The following SH3PXD2A variants were observed in gnomAD, a reference collection of about 807,000 sequenced individuals.
The protein encoded by SH3PXD2A is SH3 and PX domain-containing protein 2A.
SH3PXD2A carries 32 observed loss-of-function variants against 115.2 expected under a neutral mutation model. That is an observed-to-expected ratio of 0.28 (90% CI 0.21 to 0.37). SH3PXD2A has a LOEUF of 0.37. SH3PXD2A is among the 10% of genes least tolerant of loss of function. SH3PXD2A has a pLI of 1.00. For missense variants in SH3PXD2A, 1,328 were observed against 1,498.7 expected, an observed-to-expected ratio of 0.89 and a Z score of 1.88; for synonymous variants, 610 against 629.1, an observed-to-expected ratio of 0.97 and a Z score of 0.45.
At chr10:103,799,491 G>A (rs1158974568) in intron 2 of SH3PXD2A, among the ~76,000 whole-genome samples, 3 of 152,290 alleles carry the variant, frequency 2.0e-5, no homozygotes, top group African/African-American at 7.2e-5. Flanking sequence ...CCAGCACACT[G>A]CACTAGCTGC....
chr10:103,615,290 G>A (rs1219652465), intron 11 of SH3PXD2A, among the ~76,000 whole-genome samples: 1 of 152,212 alleles, frequency 6.6e-6, no homozygotes, highest in Admixed American at 6.5e-5. Flanking sequence ...CCTGCTTAGG[G>A]CCCCGAGTGC....
At chr10:103,691,542 T>C (rs2037751776) in intron 6 of SH3PXD2A, among the ~76,000 whole-genome samples, 1 of 151,996 alleles carries the variant, frequency 6.6e-6, no homozygotes, top group African/African-American at 2.4e-5. Context: ...GGAGTGACAG[T>C]GGAGGAATGC....
chr10:103,664,073 C>T (rs1351035819), intron 7 of SH3PXD2A, among the ~76,000 whole-genome samples: 1 of 152,226 alleles, frequency 6.6e-6, no homozygotes, highest in East Asian at 1.9e-4. Flanking sequence ...TGACGGACTA[C>T]CTCCCACTGT....
intron 5 of SH3PXD2A, among the ~76,000 whole-genome samples, chr10:103,698,239 C>T (rs1184102807): frequency 2.0e-5 from 3 of 152,216 alleles, no homozygotes; most frequent in East Asian, 1.9e-4. Context: ...CTGGCTGGGC[C>T]GGCTCTGTGG....
chr10:103,829,927 C>T (rs1202239836), intron 1 of SH3PXD2A, among the ~76,000 whole-genome samples: 1 of 152,188 alleles, frequency 6.6e-6, no homozygotes, highest in African/African-American at 2.4e-5. Context: ...GCTACAGGTC[C>T]CAATTTAAAC....
intron 2 of SH3PXD2A, among the ~76,000 whole-genome samples, chr10:103,771,490 G>C (rs2038818313): frequency 6.6e-6 from 1 of 152,192 alleles, no homozygotes; most frequent in African/African-American, 2.4e-5. Context: ...AGTAGCTCAC[G>C]CCTATAATCC....
At chr10:103,754,993 C>T (rs2038623526) in intron 3 of SH3PXD2A, 1 of 152,192 alleles carries the variant, frequency 6.6e-6, no homozygotes, top group Non-Finnish European at 1.5e-5. Context: ...GCACACAAAT[C>T]ACCTGTGCAT....
intron 5 of SH3PXD2A, chr10:103,693,533 C>T (rs1004131588): frequency 2.6e-5 from 4 of 152,034 alleles, no homozygotes; most frequent in Non-Finnish European, 4.4e-5. Context: ...GGAGGTGAAC[C>T]CAGCCTACTC....
At chr10:103,795,425 G>A (rs1419538834) in intron 2 of SH3PXD2A, among the ~76,000 whole-genome samples, 1 of 152,146 alleles carries the variant, frequency 6.6e-6, no homozygotes, top group Non-Finnish European at 1.5e-5. Flanking sequence ...TGGTGCTCAT[G>A]GATGGATTTC....
intron 3 of SH3PXD2A, among the ~76,000 whole-genome samples, chr10:103,739,189 C>G (rs1051321149): frequency 1.9e-4 from 29 of 152,168 alleles, no homozygotes; most frequent in Non-Finnish European, 1.3e-4. Context: ...CCTCCCCATG[C>G]TGGCCCCAAG....
intron 1 of SH3PXD2A, among the ~76,000 whole-genome samples, chr10:103,805,984 T>C (rs1475639436): frequency 6.6e-6 from 1 of 152,256 alleles, no homozygotes; most frequent in Admixed American, 6.5e-5. Flanking sequence ...AGAGCTGTCC[T>C]TGTGGCCCTT....
chr10:103,667,837 C>T (rs1276354076), intron 7 of SH3PXD2A, among the ~76,000 whole-genome samples: 1 of 152,234 alleles, frequency 6.6e-6, no homozygotes, highest in African/African-American at 2.4e-5. Flanking sequence ...ATCCCTCCTC[C>T]GACCATCTCC....
intron 2 of SH3PXD2A, among the ~76,000 whole-genome samples, chr10:103,768,623 G>GAA (rs2038784052): frequency 6.6e-6 from 1 of 152,158 alleles, no homozygotes; most frequent in African/African-American, 2.4e-5. Flanking sequence ...TTCACACTTA[G>GAA]AAAAGACGGC....
rs372085884 is a variant in SH3PXD2A, at chr10:103,761,457, TA to T, written c.229+5636del. Among the ~76,000 whole-genome samples the T allele has an allele frequency of 4.8e-3, 731 of 152,360 alleles. 8 individuals are homozygous for T. Among genetic ancestry groups the T allele is most frequent in the African/African-American group, 0.017 (697 of 41,584 alleles). On this transcript the variant is annotated intron_variant, in intron 3 of 14. Transcript: ENST00000369774. ...CCAAATAGCCAAACTTGTTAGATCA[TA>T]ATTAAAGGAAGATAGCACTCTGAAA...
rs776164982 is a variant in SH3PXD2A, at chr10:103,611,590, T to C, written c.1299A>G (p.Glu433=). The stretch of plus-strand genomic sequence containing the variant: ...AATTCAGTACACATACCAGGCTGGA[T>C]TCTCTGCGTGGTGGAGGTCTTGTCC... ...NLRTRPPPRR[E]SSLGFQLPKP... Residue 433 remains glutamate (E), a synonymous_variant, in exon 13 of 15, where the codon GAA becomes GAG. Transcript: ENST00000369774. The C allele has an allele frequency of 4.3e-6, 7 of 1,613,820 alleles. No homozygotes were observed. Among genetic ancestry groups the C allele is most frequent in the Non-Finnish European group, 5.9e-6 (7 of 1,179,702 alleles).
At position 103,602,755 on chromosome 10, in the gene SH3PXD2A, G is replaced by A. The variant is rs1411464757; in HGVS notation, c.2463C>T (p.Asp821=). Residue 821 remains aspartate, a synonymous_variant, in exon 15 of 15, where the codon GAC becomes GAT. Transcript: ENST00000369774. ...GAGTGGTGGCTGGGAGGGTGATGAG[G>A]TCGGATGAGCTTCTCCTAGACCCCT... ...PSEGSRRSSS[D]LITLPATTPP... is the part of the protein sequence containing the mutation. 1.9e-6 allele frequency: 3 copies of A among 1,613,954 alleles called. No individual in the cohort carries two copies. The highest frequency in any genetic ancestry group is 2.2e-5 in the East Asian group (1 of 44,892).
chr10:103,802,959 G>A (rs10786769), intron 1 of SH3PXD2A, among the ~76,000 whole-genome samples: 83,345 of 152,094 alleles, frequency 0.55, 24,195 homozygotes, highest in South Asian at 0.69. Flanking sequence ...GAGGAGGAAC[G>A]TTAGCAAAGA....
At chr10:103,765,829 A>T (rs2038748100) in intron 3 of SH3PXD2A, among the ~76,000 whole-genome samples, 1 of 152,238 alleles carries the variant, frequency 6.6e-6, no homozygotes, top group South Asian at 2.1e-4. Flanking sequence ...GTGCAAAGCC[A>T]AGCAAGGAAT....
In SH3PXD2A at chr10:103,838,003, G is replaced by A. The variant is rs114705887; in HGVS notation, c.72+17192C>T. Reference sequence around the variant, plus strand: ...CTACCGGATGCCTCATGGTGTCTCTGATTCTGCAGCCAACCAACAAGGGAG... The same window carrying A: ...CTACCGGATGCCTCATGGTGTCTCTAATTCTGCAGCCAACCAACAAGGGAG... On this transcript the variant is annotated intron_variant, in intron 1 of 14. Coordinates refer to ENST00000369774, the MANE Select transcript of SH3PXD2A (RefSeq NM_001394015.1). 5.0e-3 allele frequency among the ~76,000 whole-genome samples: 766 copies of A among 152,246 alleles called. 6 individuals are homozygous for A. The highest frequency in any genetic ancestry group is 0.018 in the African/African-American group (733 of 41,528).
Sources: gnomAD v4.1 joint callset for allele counts (sites outside exome capture counted in the v4.1 genomes callset) on GRCh38, gnomAD v4.1.1 for gene constraint, MANE v1.5 for transcripts, NCBI Gene and HGNC (gene_info 2026-07-23, HGNC 2026-07-21) for gene names.